The following CYB561 variants were observed in gnomAD, a reference collection of about 807,000 sequenced individuals.
The protein encoded by CYB561 is cytochrome b561.
CYB561 carries 11 observed loss-of-function variants against 25.3 expected under a neutral mutation model. That is an observed-to-expected ratio of 0.44 (90% CI 0.27 to 0.72). The LOEUF (loss-of-function observed/expected upper bound fraction) is 0.72, where lower values mean the gene tolerates loss of function less well. Among genes scored for constraint, CYB561 ranks in the 30% least tolerant of loss-of-function variants. CYB561 has a pLI of 0.18. For synonymous variants in CYB561, 165 were observed against 158.8 expected (o/e 1.04, Z -0.29); for missense variants, 295 against 334.9 (o/e 0.88, Z 0.93).
chr17:63,435,732 G>A lies in CYB561; in HGVS notation c.361C>T (p.His121Tyr). 1 of 1,614,244 alleles carries A rather than the reference G, an allele frequency of 6.2e-7. No homozygotes were observed. The highest frequency in any genetic ancestry group is 8.5e-7 in the Non-Finnish European group (1 of 1,180,046). The change falls in exon 4 of 6, where the codon CAC becomes TAC. Residue 121 changes from histidine to tyrosine, a missense_variant. Physicochemically the swap from His to Tyr is moderately conservative, Grantham distance 83. Coordinates refer to ENST00000360793, the MANE Select transcript of CYB561 (RefSeq NM_001915.4). Reference sequence around the variant, plus strand: ...AAGACAAGGATCCCGCACCAGCTGTGTAGGCTGTACAGGTCAGCGTAGCCC... The same window carrying A: ...AAGACAAGGATCCCGCACCAGCTGTATAGGCTGTACAGGTCAGCGTAGCCC... ...KKGYADLYSL[H>Y]SWCGILVFVL...
At chr17:63,434,717 G>A (rs2049274861) in intron 5 of CYB561, 123 bp from the exon 6 acceptor site, 8 of 842,604 alleles carry the variant, frequency 9.5e-6, no homozygotes, top group Non-Finnish European at 1.4e-5. Context: ...TCCCTGCCCT[G>A]CCTGAAGAGA....
In CYB561 at chr17:63,444,652, G is replaced by A. The variant is rs146474106; in HGVS notation, c.-14+1593C>T. 2.2e-3 allele frequency among the ~76,000 whole-genome samples: 336 copies of A among 152,232 alleles called. 2 individuals are homozygous for A. Among genetic ancestry groups the A allele is most frequent in the African/African-American group, 7.7e-3 (320 of 41,544 alleles). On this transcript the variant is annotated intron_variant, in intron 1 of 5. Coordinates refer to ENST00000360793, the MANE Select transcript of CYB561 (RefSeq NM_001915.4). ...CTGCACACCAAGCAGAAGCTCCTGG[G>A]GCTGGAAGAACACAGGATGGTCTGC...
intron 4 of CYB561, 83 bp downstream of exon 4, chr17:63,435,605 T>G: frequency 5.5e-5 from 60 of 1,088,626 alleles, no homozygotes; most frequent in Non-Finnish European, 7.5e-5. Context: ...GGCCCTTCCA[T>G]GAGGTACATT....
chr17:63,438,027 A>T lies in CYB561; in HGVS notation c.-13-467T>A, dbSNP rs2049331987. On this transcript the variant is annotated intron_variant, in intron 1 of 5. Transcript: ENST00000360793. ...AAGCAGCGCTCGCTCTCCTACCCGC[A>T]AGCCCCTTCCCACCCATCGTCCTGA... 2.6e-6 allele frequency: 3 copies of T among 1,156,402 alleles called. No homozygotes were observed. The East Asian group carries it at 2.2e-4, about 85-fold the overall frequency. 71.6% of individuals were successfully genotyped at this position (1,156,402 alleles called of 1,614,324 possible). A position where few individuals can be genotyped will look rare whatever the true frequency, so the allele number is the denominator to read the frequency against.
chr17:63,444,051 T>C (rs1023891732), intron 1 of CYB561, among the ~76,000 whole-genome samples: 7 of 152,164 alleles, frequency 4.6e-5, no homozygotes, highest in South Asian at 2.1e-4. Flanking sequence ...TGGCAAGATC[T>C]CGGGTCACCG....
intron 1 of CYB561, among the ~76,000 whole-genome samples, chr17:63,443,566 GA>G (rs1276078342): frequency 2.0e-5 from 3 of 152,000 alleles, no homozygotes; most frequent in Admixed American, 2.0e-4. Context: ...AAAATCAGAA[GA>G]AAAAAATGAA....
intron 2 of CYB561, 78 bp downstream of exon 2, chr17:63,437,268 G>A: frequency 9.0e-7 from 1 of 1,117,172 alleles, no homozygotes; most frequent in South Asian, 1.4e-5. Flanking sequence ...GAGACCGCAG[G>A]GGTGACAAGA....
At chr17:63,437,320 A>G in intron 2 of CYB561, 26 bp downstream of exon 2, 1 of 1,590,282 alleles carries the variant, frequency 6.3e-7, no homozygotes, top group South Asian at 1.1e-5. Context: ...AAGCCCGGGA[A>G]AAGAGGAGCG....
rs972403051 is a variant in CYB561 at position 63,436,488 on chromosome 17, AC to A, written c.203-337del. ...AGGCAGCGCCTCTGCCCTCGTCCCC[AC>A]CTAAAGGAGCTGCCCGGCCCAGCAG... is the stretch of plus-strand genomic sequence containing the variant. On this transcript the variant is annotated intron_variant, in intron 2 of 5. Coordinates refer to ENST00000360793, the MANE Select transcript of CYB561 (RefSeq NM_001915.4). The surrounding 1 kb of genome is among the most constrained non-coding windows in gnomAD (Gnocchi z 4.8). 2 of 219,268 alleles carry A rather than the reference AC, an allele frequency of 9.1e-6. No individual in the cohort carries two copies. The highest frequency in any genetic ancestry group is 4.8e-5 in the African/African-American group (2 of 42,072). The allele number at this position is 219,268 out of a possible 1,614,324, so 13.6% of individuals were successfully genotyped here. A position where few individuals can be genotyped will look rare whatever the true frequency, so the allele number is the denominator to read the frequency against.
chr17:63,433,234 TG>T lies in CYB561; in HGVS notation c.*1167del, dbSNP rs1284072603. 1 of 394,664 alleles carries T rather than the reference TG, an allele frequency of 2.5e-6. No homozygotes were observed. Among genetic ancestry groups the T allele is most frequent in the African/African-American group, 2.1e-5 (1 of 48,532 alleles). 24.4% of individuals were successfully genotyped at this position (394,664 alleles called of 1,614,324 possible). On this transcript the variant is annotated 3_prime_UTR_variant, in exon 6 of 6. Transcript: ENST00000360793. ...ATTTTTAGTAGAGACGGGGTTTCAC[TG>T]TGTTTGTTAGTCAGGATGGTCTTGA...
intron 1 of CYB561, chr17:63,440,232 G>A: frequency 2.5e-6 from 1 of 398,720 alleles, no homozygotes; most frequent in South Asian, 1.3e-4. Flanking sequence ...CTCGTCCCAA[G>A]TCACCTTCTC....
chr17:63,441,172 C>T lies in CYB561; in HGVS notation c.-13-3612G>A, dbSNP rs138509522. Among the ~76,000 whole-genome samples the T allele has an allele frequency of 6.7e-3, 1,020 of 152,352 alleles. 11 individuals are homozygous for T. Among genetic ancestry groups the T allele is most frequent in the African/African-American group, 0.023 (977 of 41,586 alleles). ...CAACATCCTACAGTGAAATGCCCGG[C>T]CTGGCCTCCCGGGGAGTCGGAACCA... On this transcript the variant is annotated intron_variant, in intron 1 of 5. Coordinates refer to ENST00000360793, the MANE Select transcript of CYB561 (RefSeq NM_001915.4).
chr17:63,441,691 G>A (rs1452844259), intron 1 of CYB561, among the ~76,000 whole-genome samples: 1 of 152,268 alleles, frequency 6.6e-6, no homozygotes, highest in Non-Finnish European at 1.5e-5. Flanking sequence ...GTGGCTGCCT[G>A]CTCGTGGCTT....
In CYB561 at chr17:63,435,231, A is replaced by G. The variant is rs567610276; in HGVS notation, c.418T>C (p.Phe140Leu). ...GCTCCGGGGAACAGGAAGAAGCTGA[A>G]GCCCACCAGCCACTAGGATTTGAAA... The part of the protein sequence containing the change: ...VLYFVQWLVG[F>L]SFFLFPGASF... Residue 140 changes from phenylalanine (F) to leucine (L), a missense_variant, in exon 5 of 6, where the codon TTC (phenylalanine) becomes CTC (leucine). Coordinates refer to ENST00000360793, the MANE Select transcript of CYB561 (RefSeq NM_001915.4). 1.1e-4 allele frequency: 182 copies of G among 1,612,766 alleles called. No individual in the cohort carries two copies. The South Asian group carries it at 1.8e-3, about 16-fold the overall frequency.
At chr17:63,440,067 C>G (rs887570641) in intron 1 of CYB561, 2 of 398,516 alleles carry the variant, frequency 5.0e-6, no homozygotes, top group Non-Finnish European at 8.8e-6. Context: ...AAGCCCCAGC[C>G]AACAATAAAT....
At chr17:63,439,828 G>C (rs910640281) in intron 1 of CYB561, among the ~76,000 whole-genome samples, 1 of 152,100 alleles carries the variant, frequency 6.6e-6, no homozygotes, top group African/African-American at 2.4e-5. Context: ...TGCATTGCAC[G>C]GCCATTTTTT....
chr17:63,441,833 C>G (rs866241816), intron 1 of CYB561, among the ~76,000 whole-genome samples: 3 of 152,236 alleles, frequency 2.0e-5, no homozygotes, highest in South Asian at 2.1e-4. Flanking sequence ...CGGTGCCCCC[C>G]CTCCTGTGCC....
chr17:63,435,532 T>C, intron 4 of CYB561, 156 bp downstream of exon 4: 2 of 750,350 alleles, frequency 2.7e-6, no homozygotes, highest in East Asian at 2.7e-5. Flanking sequence ...CCGCCAATCC[T>C]AGCTTTGCAC....
chr17:63,438,042 C>T (rs993128026), intron 1 of CYB561: 1 of 1,527,938 alleles, frequency 6.5e-7, no homozygotes, highest in Non-Finnish European at 8.8e-7. Flanking sequence ...CCTTCCCACC[C>T]ATCGTCCTGA....
Sources: gnomAD v4.1 joint callset for allele counts (sites outside exome capture counted in the v4.1 genomes callset) on GRCh38, gnomAD v4.1.1 for gene constraint, Gnocchi (gnomAD v3.1) non-coding constraint, MANE v1.5 for transcripts, NCBI Gene and HGNC (gene_info 2026-07-23, HGNC 2026-07-21) for gene names.